MED1: variants seen among roughly 807,000 people sequenced by gnomAD.
MED1 encodes mediator complex subunit 1, also known as mediator of RNA polymerase II transcription subunit 1.
A neutral mutation model predicts 121.3 loss-of-function variants in MED1; 17 were observed. The ratio of observed to expected loss-of-function variants is 0.14; its 90% confidence interval spans 0.10 to 0.21. The LOEUF (loss-of-function observed/expected upper bound fraction) is 0.21. Ranked by LOEUF, MED1 falls within the 10% of genes least tolerant of loss-of-function variation. The pLI is 1.00. For synonymous variants in MED1, 661 were observed against 694.4 expected (o/e 0.95, Z 0.76); for missense variants, 1,558 against 1,919.4 (o/e 0.81, Z 3.52).
intron 9 of MED1, among the ~76,000 whole-genome samples, chr17:39,428,680 T>A (rs761741699): frequency 6.6e-6 from 1 of 151,166 alleles, no homozygotes; most frequent in Non-Finnish European, 1.5e-5. Flanking sequence ...CGCTTGGGTG[T>A]GGTGGCACAC....
intron 8 of MED1, 79 bp downstream of exon 8, chr17:39,431,863 A>G: frequency 2.1e-6 from 2 of 931,558 alleles, no homozygotes; most frequent in Non-Finnish European, 3.4e-6. Flanking sequence ...GGCTTAATAG[A>G]GATGTATAAA....
chr17:39,436,845 T>C (rs181030245), intron 6 of MED1, among the ~76,000 whole-genome samples: 22 of 152,170 alleles, frequency 1.4e-4, no homozygotes, highest in Non-Finnish European at 2.2e-4. Flanking sequence ...CCCAGCTCAC[T>C]GCAACCTCCA....
intron 3 of MED1, among the ~76,000 whole-genome samples, chr17:39,442,905 C>CAAAAA (rs751236293): frequency 5.8e-4 from 10 of 17,336 alleles, no homozygotes; most frequent in Non-Finnish European, 6.5e-4. Context: ...AACTCCATCT[C>CAAAAA]AAAAAAAAAA....
rs1397723079 is a variant in MED1 at position 39,409,945 on chromosome 17, G to A, written c.2276C>T (p.Pro759Leu). Residue 759 changes from proline (P) to leucine (L), a missense_variant, in exon 17 of 17, where the codon CCC becomes CTC. Physicochemically the swap from Pro to Leu is moderately conservative, Grantham distance 98. Coordinates refer to ENST00000300651, the MANE Select transcript of MED1 (RefSeq NM_004774.4). The part of the protein sequence containing the change: ...PTTYPQPVPH[P>L]QPSIQRMVRL... ...GACCATCCTTTGAATACTGGGTTGG[G>A]GGTGAGGTACTGGTTGTGGGTAAGT... is the stretch of plus-strand genomic sequence containing the variant. 1 of 1,614,152 alleles carries A rather than the reference G, an allele frequency of 6.2e-7. No homozygotes were observed. Among genetic ancestry groups the A allele is most frequent in the Non-Finnish European group, 8.5e-7 (1 of 1,180,040 alleles).
chr17:39,408,205 G>A lies in MED1; in HGVS notation c.4016C>T (p.Pro1339Leu), dbSNP rs867037888. The A allele has an allele frequency of 2.5e-6, 4 of 1,614,024 alleles. No individual in the cohort carries two copies. The highest frequency in any genetic ancestry group is 3.4e-6 in the Non-Finnish European group (4 of 1,180,040). ...TGACATGTTATGTTTGGAGGACATA[G>A]GATGGCTGGAAGAATTTGTGCTCAC... ...MGVSTNSSSH[P>L]MSSKHNMSGG... is the part of the protein sequence containing the mutation. Residue 1339 changes from proline to leucine, a missense_variant, in exon 17 of 17, where the codon CCT becomes CTT. Around this residue, in one of 5 missense-constraint regions of MED1, gnomAD observed 264 missense variants for 326.1 expected, o/e 0.81. Transcript: ENST00000300651. The surrounding 1 kb of genome is among the most constrained non-coding windows in gnomAD (Gnocchi z 4.7).
chr17:39,433,995 A>G (rs1206464532), intron 7 of MED1, among the ~76,000 whole-genome samples: 1 of 152,192 alleles, frequency 6.6e-6, no homozygotes, highest in East Asian at 1.9e-4. Flanking sequence ...AATTCCTTTC[A>G]GCCTAGAAAT....
chr17:39,449,186 C>A (rs2144779974), intron 1 of MED1, among the ~76,000 whole-genome samples: 1 of 152,174 alleles, frequency 6.6e-6, no homozygotes, highest in East Asian at 1.9e-4. Context: ...GAGACTATAG[C>A]TAATTTTCCC....
At chr17:39,419,640 G>T in intron 14 of MED1, 77 bp downstream of exon 14, 1 of 1,405,912 alleles carries the variant, frequency 7.1e-7, no homozygotes, top group Non-Finnish European at 1.0e-6. Flanking sequence ...AGGTGATTCT[G>T]ATGGGCCACC....
In MED1 at chr17:39,408,816, C is replaced by G; in HGVS notation, c.3405G>C (p.Gln1135His). 6.2e-7 allele frequency: 1 copy of G among 1,614,040 alleles called. No homozygotes were observed. Among genetic ancestry groups the G allele is most frequent in the Non-Finnish European group, 8.5e-7 (1 of 1,179,960 alleles). ...SKLSSSMYSSQGSSGSSQSKN... is the reference protein window; with the variant it reads ...SKLSSSMYSSHGSSGSSQSKN... ...TGGACTGGCTAGATCCAGAAGACCC[C>G]TGGCTAGAATACATACTGCTACTTA... is the stretch of plus-strand genomic sequence containing the variant. The change falls in exon 17 of 17, where the codon CAG becomes CAC. Residue 1135 changes from glutamine to histidine, a missense_variant. Gln to His is a conservative substitution (Grantham distance 24, BLOSUM62 0). Around this residue, in one of 5 missense-constraint regions of MED1, gnomAD observed 793 missense variants for 898.2 expected, o/e 0.88. Coordinates refer to ENST00000300651, the MANE Select transcript of MED1 (RefSeq NM_004774.4). The surrounding 1 kb of genome is among the most constrained non-coding windows in gnomAD (Gnocchi z 4.7).
chr17:39,448,126 T>C (rs962482141), intron 1 of MED1, among the ~76,000 whole-genome samples: 2 of 151,292 alleles, frequency 1.3e-5, no homozygotes, highest in Non-Finnish European at 2.9e-5. Context: ...TGGACTGTTA[T>C]CTATCCACCT....
intron 6 of MED1, among the ~76,000 whole-genome samples, chr17:39,438,782 C>T (rs2048644440): frequency 6.6e-6 from 1 of 152,092 alleles, no homozygotes; most frequent in South Asian, 2.1e-4. Flanking sequence ...CACCTAGTCT[C>T]TATTAAAAAT....
Position 39,405,180 on chromosome 17 carries a change from G to C in MED1, c.*2295C>G. 3 of 1,528,438 alleles carry C rather than the reference G, an allele frequency of 2.0e-6. No individual in the cohort carries two copies. The highest frequency in any genetic ancestry group is 2.6e-6 in the Non-Finnish European group (3 of 1,133,306). The allele number at this position is 1,528,438 out of a possible 1,614,324, so 94.7% of individuals were successfully genotyped here. A position where few individuals can be genotyped will look rare whatever the true frequency, so the allele number is the denominator to read the frequency against. ...GAAATGCAGTGCTCCCTGGTTCTCA[G>C]GCAGGGTGAAGCAGTTTAGCCCCGG... On this transcript the variant is annotated 3_prime_UTR_variant, in exon 17 of 17. Transcript: ENST00000300651.
intron 5 of MED1, among the ~76,000 whole-genome samples, chr17:39,439,689 A>T (rs1273930748): frequency 1.3e-5 from 2 of 152,042 alleles, no homozygotes; most frequent in Non-Finnish European, 2.9e-5. Context: ...TGTAATCCCA[A>T]CACTTTGGGA....
At chr17:39,449,041 CTT>C (rs546027863) in intron 1 of MED1, among the ~76,000 whole-genome samples, 2 of 145,726 alleles carry the variant, frequency 1.4e-5, no homozygotes, top group Non-Finnish European at 1.5e-5. Context: ...TCTTTCTTTT[CTT>C]TTTTTTTTTT....
intron 3 of MED1, among the ~76,000 whole-genome samples, chr17:39,442,619 A>C (rs2048689163): frequency 6.7e-6 from 1 of 150,010 alleles, no homozygotes; most frequent in Non-Finnish European, 1.5e-5. Flanking sequence ...AAAAAAAAAA[A>C]AACTTCGCGA....
intron 3 of MED1, among the ~76,000 whole-genome samples, chr17:39,441,922 G>C (rs2048678947): frequency 6.6e-6 from 1 of 152,116 alleles, no homozygotes; most frequent in African/African-American, 2.4e-5. Flanking sequence ...GGCCAACATG[G>C]TGAAACCCCA....
intron 7 of MED1, among the ~76,000 whole-genome samples, chr17:39,433,389 A>G (rs1033140209): frequency 1.3e-5 from 2 of 151,566 alleles, no homozygotes; most frequent in African/African-American, 4.8e-5. Context: ...GAAAAAAAAA[A>G]AACATTTTAA....
At chr17:39,436,451 T>G (rs745691065) in intron 6 of MED1, among the ~76,000 whole-genome samples, 1 of 151,572 alleles carries the variant, frequency 6.6e-6, no homozygotes, top group Non-Finnish European at 1.5e-5. Flanking sequence ...CATCCTCATG[T>G]GGTGCCTGAG....
At chr17:39,417,256 G>A (rs2048418623) in intron 14 of MED1, among the ~76,000 whole-genome samples, 1 of 152,020 alleles carries the variant, frequency 6.6e-6, no homozygotes, top group Admixed American at 6.6e-5. Context: ...CTTGAACCCA[G>A]GAGGCAAAGG....
Sources: allele counts gnomAD v4.1 joint callset (sites outside exome capture counted in the v4.1 genomes callset), GRCh38; gene constraint gnomAD v4.1.1; regional missense constraint gnomAD v4.1.1; non-coding constraint Gnocchi (gnomAD v3.1); transcripts MANE v1.5; gene names NCBI Gene and HGNC (gene_info 2026-07-23, HGNC 2026-07-21).